Variants in ANKRD62 observed in about 807,000 individuals in gnomAD.
The protein encoded by ANKRD62 is ankyrin repeat domain 62.
Under a neutral mutation model 98.8 loss-of-function variants are expected in ANKRD62, and 61 were observed. The ratio of observed to expected loss-of-function variants is 0.62; its 90% CI spans 0.50 to 0.76. The LOEUF (loss-of-function observed/expected upper bound fraction) is 0.76, where lower values mean the gene tolerates loss of function less well. ANKRD62 is among the 30% of genes least tolerant of loss of function. ANKRD62 has a pLI of 0.00. For synonymous variants in ANKRD62, 341 were observed against 367.9 expected (o/e 0.93, Z 0.84); for missense variants, 933 against 1,082.9 (o/e 0.86, Z 1.94).
intron 10 of ANKRD62, among the ~76,000 whole-genome samples, chr18:12,116,430 T>C (rs1568063350): frequency 6.6e-6 from 1 of 152,246 alleles, no homozygotes; most frequent in Admixed American, 6.5e-5. Flanking sequence ...ACACAAACTT[T>C]GTTTCATGCA....
chr18:12,105,631 G>A (rs540839673), intron 7 of ANKRD62, among the ~76,000 whole-genome samples: 2 of 152,012 alleles, frequency 1.3e-5, no homozygotes, highest in Non-Finnish European at 2.9e-5. Flanking sequence ...CCAATTATTT[G>A]GTGCATTCTA....
chr18:12,164,648 T>G, the ANKRD62 span, among the ~76,000 whole-genome samples: 93,078 of 151,678 alleles, frequency 0.61, 29,000 homozygotes, highest in Middle Eastern at 0.76. Context: ...TAGTACTGCT[T>G]TTGCTGTATC....
chr18:12,110,475 A>G (rs534804231), intron 8 of ANKRD62, among the ~76,000 whole-genome samples: 4 of 152,326 alleles, frequency 2.6e-5, no homozygotes, highest in African/African-American at 9.6e-5. Flanking sequence ...TTAAATGCTT[A>G]AGGTGTTAAA....
At chr18:12,139,847 G>A in the ANKRD62 span, among the ~76,000 whole-genome samples, 4 of 152,080 alleles carry the variant, frequency 2.6e-5, no homozygotes, top group Non-Finnish European at 4.4e-5. Context: ...TTCTCGAGGA[G>A]TATCTTTGTG....
intron 6 of ANKRD62, among the ~76,000 whole-genome samples, chr18:12,101,145 T>G (rs1909292062): frequency 6.6e-6 from 1 of 152,220 alleles, no homozygotes; most frequent in South Asian, 2.1e-4. Flanking sequence ...ACTTTTTTTT[T>G]GCAAGCCATT....
chr18:12,097,897 GT>G (rs1193816952), intron 5 of ANKRD62, 120 bp downstream of exon 5: 1 of 1,154,006 alleles, frequency 8.7e-7, no homozygotes, highest in Non-Finnish European at 1.2e-6. Context: ...GTGGCAGTGA[GT>G]TAGTCCACTT....
At chr18:12,136,998 G>A in the ANKRD62 span, among the ~76,000 whole-genome samples, 1 of 152,068 alleles carries the variant, frequency 6.6e-6, no homozygotes, top group South Asian at 2.1e-4. Flanking sequence ...CTGCAAACAG[G>A]GACAATTTGA....
the ANKRD62 span, among the ~76,000 whole-genome samples, chr18:12,156,777 T>C: frequency 5.9e-5 from 9 of 152,204 alleles, no homozygotes; most frequent in Non-Finnish European, 1.3e-4. Flanking sequence ...AAAAATATCC[T>C]ATATTAATTT....
At chr18:12,130,804 G>T (rs1442541627), downstream of ANKRD62, among the ~76,000 whole-genome samples, 1 of 151,892 alleles carries the variant, frequency 6.6e-6, no homozygotes, top group Non-Finnish European at 1.5e-5. Flanking sequence ...GCAATCCCCT[G>T]CCCCAGCCTC....
chr18:12,137,259 G>C, the ANKRD62 span, among the ~76,000 whole-genome samples: 8 of 152,216 alleles, frequency 5.3e-5, no homozygotes, highest in Non-Finnish European at 7.4e-5. Context: ...TAGCATGAAG[G>C]GTTGTTGAAT....
the ANKRD62 span, among the ~76,000 whole-genome samples, chr18:12,170,783 C>G: frequency 3.3e-5 from 5 of 152,206 alleles, no homozygotes; most frequent in South Asian, 2.1e-4. Flanking sequence ...TTGTAGGTCT[C>G]TAAGGACTTG....
At chr18:12,124,458 T>C (rs1444462376) in intron 12 of ANKRD62, 138 bp downstream of exon 12, 7 of 403,254 alleles carry the variant, frequency 1.7e-5, no homozygotes, top group Non-Finnish European at 3.0e-5. Context: ...ATAGCTACAA[T>C]TATTTATTAT....
In ANKRD62 at chr18:12,125,509, T is replaced by A; in HGVS notation, c.1688T>A (p.Leu563Ter). 6.7e-7 allele frequency: 1 copy of A among 1,494,580 alleles called. No individual in the cohort carries two copies. The highest frequency in any genetic ancestry group is 8.8e-7 in the Non-Finnish European group (1 of 1,133,174). The allele number at this position is 1,494,580 out of a possible 1,614,324, so 92.6% of individuals were successfully genotyped here. A position where few individuals can be genotyped will look rare whatever the true frequency, so the allele number is the denominator to read the frequency against. The change falls in exon 13 of 14, where the codon TTG becomes TAG. Residue 563 changes from leucine to a stop codon, truncating the protein, a stop_gained. Coordinates refer to ENST00000587848, the MANE Select transcript of ANKRD62 (RefSeq NM_001277333.2). LOFTEE classifies it high-confidence loss of function. ...AGAGACCTGTGGCAGGAAAATCACT[T>A]GATGCGGGATGAAATTGCCAGACTC... ...RERDLWQENHLMRDEIARLRL... is the reference protein window; with the variant it reads ...RERDLWQENH
Position 12,095,341 on chromosome 18 carries a change from T to G in ANKRD62, c.333+56T>G. The G allele has an allele frequency of 1.1e-5, 17 of 1,531,438 alleles. No homozygotes were observed. The South Asian group carries it at 2.0e-4, about 18-fold the overall frequency. The allele number at this position is 1,531,438 out of a possible 1,614,324, so 94.9% of individuals were successfully genotyped here. On this transcript the variant is annotated intron_variant, in intron 2 of 13. Coordinates refer to ENST00000587848, the MANE Select transcript of ANKRD62 (RefSeq NM_001277333.2). Reference sequence around the variant, plus strand: ...ATGGATTTAATTTAAATTCACAGAATAAAATTAATTCACCTCATTGAAATG... The same window carrying G: ...ATGGATTTAATTTAAATTCACAGAAGAAAATTAATTCACCTCATTGAAATG...
At chr18:12,110,057 T>C (rs1909507035) in intron 8 of ANKRD62, among the ~76,000 whole-genome samples, 1 of 152,104 alleles carries the variant, frequency 6.6e-6, no homozygotes, top group Non-Finnish European at 1.5e-5. Context: ...GCCAATGCAG[T>C]GTATTTCCTG....
Position 12,125,904 on chromosome 18 carries a change from ACTAATT to A in ANKRD62, c.2086_2091del (p.Asn696_Ser697del). On this transcript the variant is annotated inframe_deletion, in exon 13 of 14. Transcript: ENST00000587848. ...TGAATGGTGTCATTTACAAGAAGAC[ACTAATT>A]CTCACATTCAGATTCTTTCTCAGCA... The A allele has an allele frequency of 6.5e-7, 1 of 1,540,930 alleles. No individual in the cohort carries two copies. The highest frequency in any genetic ancestry group is 2.0e-5 in the Admixed American group (1 of 51,012).
At chr18:12,130,731 C>T (rs1354667605), downstream of ANKRD62, among the ~76,000 whole-genome samples, 9 of 151,104 alleles carry the variant, frequency 6.0e-5, no homozygotes, top group African/African-American at 1.7e-4. Flanking sequence ...CTTGATCTGT[C>T]GCCCAGACTG....
chr18:12,165,823 G>T, the ANKRD62 span, among the ~76,000 whole-genome samples: 3 of 151,652 alleles, frequency 2.0e-5, no homozygotes, highest in African/African-American at 7.3e-5. Flanking sequence ...GCTTTTTTTT[G>T]TAGGGCAGGT....
At chr18:12,131,402 A>G (rs1338135675), downstream of ANKRD62, among the ~76,000 whole-genome samples, 1 of 152,230 alleles carries the variant, frequency 6.6e-6, no homozygotes, top group African/African-American at 2.4e-5. Flanking sequence ...ACTTTTTCTT[A>G]TACACATTAC....
Sources: allele counts gnomAD v4.1 joint callset (sites outside exome capture counted in the v4.1 genomes callset), GRCh38; gene constraint gnomAD v4.1.1; transcripts MANE v1.5; gene names NCBI Gene and HGNC (gene_info 2026-07-23, HGNC 2026-07-21).